The following TDRD5 variants were observed in gnomAD, a reference collection of about 807,000 sequenced individuals.
TDRD5 encodes tudor domain containing 5, also known as tudor domain-containing protein 5.
Under a neutral mutation model 120.6 loss-of-function variants are expected in TDRD5, and 41 were observed. The ratio of observed to expected loss-of-function variants is 0.34; its 90% CI spans 0.26 to 0.44. The LOEUF is 0.44. TDRD5 is among the 20% of genes least tolerant of loss of function. The pLI is 1.00. For missense variants in TDRD5, 1,006 were observed against 1,221.2 expected (o/e 0.82, Z 2.63); for synonymous variants, 430 against 433.7 (o/e 0.99, Z 0.11).
intron 4 of TDRD5, among the ~76,000 whole-genome samples, chr1:179,605,567 G>A (rs1310368764): frequency 6.6e-6 from 1 of 152,102 alleles, no homozygotes; most frequent in Non-Finnish European, 1.5e-5. Flanking sequence ...CACTATTGTA[G>A]TGTCATACTG....
At chr1:179,634,660 G>T (rs1192972115) in intron 8 of TDRD5, 31 bp downstream of exon 8, 1 of 1,566,282 alleles carries the variant, frequency 6.4e-7, no homozygotes, top group South Asian at 1.2e-5. Flanking sequence ...GTGCACTGGA[G>T]ATTCAGCATT....
At position 179,662,293 on chromosome 1, in the gene TDRD5, T is replaced by A; in HGVS notation, c.2505+7T>A. ...TAAAGAAATGCCACAGAAGGTTAGA[T>A]CCTTGGAAAAATAGAAAGCAAATCA... On this transcript the variant is annotated splice_region_variant and intron_variant, in intron 15 of 17. Coordinates refer to ENST00000444136, the MANE Select transcript of TDRD5 (RefSeq NM_001199085.3). The A allele has an allele frequency of 6.3e-7, 1 of 1,599,542 alleles. No individual in the cohort carries two copies. The highest frequency in any genetic ancestry group is 8.5e-7 in the Non-Finnish European group (1 of 1,175,426).
intron 4 of TDRD5, among the ~76,000 whole-genome samples, chr1:179,598,341 G>A (rs940761203): frequency 6.6e-6 from 1 of 152,144 alleles, no homozygotes; most frequent in Admixed American, 6.5e-5. Context: ...GATATTCTAG[G>A]TTTGCATTTG....
In TDRD5 at chr1:179,669,540, T is replaced by C. The variant is rs114260290; in HGVS notation, c.2860+136T>C. Reference sequence around the variant, plus strand: ...TGACGTTAGCATTTGTGTTAAGTCCTTGTTTTATGTTTGGGCTCAATTGTT... The same window carrying C: ...TGACGTTAGCATTTGTGTTAAGTCCCTGTTTTATGTTTGGGCTCAATTGTT... On this transcript the variant is annotated intron_variant, in intron 17 of 17. Coordinates refer to ENST00000444136, the MANE Select transcript of TDRD5 (RefSeq NM_001199085.3). 3,295 of 998,096 alleles carry C rather than the reference T, an allele frequency of 3.3e-3. 44 individuals carry two copies. In the African/African-American group the frequency reaches 0.042, roughly 13 times the overall value. 61.8% of individuals were successfully genotyped at this position (998,096 alleles called of 1,614,324 possible).
At position 179,649,301 on chromosome 1, in the gene TDRD5, A is replaced by G. The variant is rs780430931; in HGVS notation, c.1801-1566A>G. Among the ~76,000 whole-genome samples the G allele has an allele frequency of 2.2e-4, 33 of 151,100 alleles. 1 individual carries two copies. Among genetic ancestry groups the G allele is most frequent in the Non-Finnish European group, 2.5e-4 (17 of 67,808 alleles). On this transcript the variant is annotated intron_variant, in intron 11 of 17. Coordinates refer to ENST00000444136, the MANE Select transcript of TDRD5 (RefSeq NM_001199085.3). ...ACCATTATCTCTTCAATTATTGCCTATTTCCCATATTTATATTTGTATTCT... is the reference window on the plus strand; with the variant it reads ...ACCATTATCTCTTCAATTATTGCCTGTTTCCCATATTTATATTTGTATTCT...
At chr1:179,659,049 G>C (rs2102087616) in intron 14 of TDRD5, among the ~76,000 whole-genome samples, 1 of 152,234 alleles carries the variant, frequency 6.6e-6, no homozygotes, top group African/African-American at 2.4e-5. Flanking sequence ...ATTTCCAAGT[G>C]TTTGGAAATT....
intron 9 of TDRD5, among the ~76,000 whole-genome samples, chr1:179,638,097 G>T (rs1677864966): frequency 6.6e-6 from 1 of 152,162 alleles, no homozygotes; most frequent in African/African-American, 2.4e-5. Context: ...AAGGGGGAGA[G>T]AGTGACTGAT....
intron 17 of TDRD5, among the ~76,000 whole-genome samples, chr1:179,675,526 G>A (rs912056702): frequency 5.9e-5 from 9 of 151,574 alleles, no homozygotes; most frequent in East Asian, 3.9e-4. Context: ...TGATCCGCCC[G>A]CCTCGGCCTC....
At chr1:179,601,078 A>G (rs960265472) in intron 4 of TDRD5, among the ~76,000 whole-genome samples, 4 of 152,174 alleles carry the variant, frequency 2.6e-5, no homozygotes, top group Non-Finnish European at 1.5e-5. Flanking sequence ...GTATTTTGCT[A>G]TATTTGAGTA....
chr1:179,622,672 A>G (rs901307070), intron 6 of TDRD5, among the ~76,000 whole-genome samples: 2 of 152,204 alleles, frequency 1.3e-5, no homozygotes, highest in African/African-American at 4.8e-5. Flanking sequence ...GGCAGAAGAA[A>G]GCTTTAGTAA....
At chr1:179,608,399 A>C (rs191217192) in intron 4 of TDRD5, among the ~76,000 whole-genome samples, 2 of 152,010 alleles carry the variant, frequency 1.3e-5, no homozygotes, top group East Asian at 3.9e-4. Flanking sequence ...GTACAATCAC[A>C]TCTATTTTAG....
At chr1:179,618,547 C>A in intron 4 of TDRD5, 52 bp from the exon 5 acceptor site, 1 of 1,411,624 alleles carries the variant, frequency 7.1e-7, no homozygotes, top group Non-Finnish European at 9.6e-7. Context: ...CTACCTTTGA[C>A]TTTCTTTGGT....
At position 179,687,393 on chromosome 1, in the gene TDRD5, C is replaced by T. The variant is rs542285183; in HGVS notation, c.2861-3303C>T. ...AATCCTGAGTTCTAATTTGATTGCA[C>T]TGTGGTCTGAGGCACAGTTTGTTAT... On this transcript the variant is annotated intron_variant, in intron 17 of 17. Coordinates refer to ENST00000444136, the MANE Select transcript of TDRD5 (RefSeq NM_001199085.3). Among the ~76,000 whole-genome samples the T allele has an allele frequency of 2.3e-4, 35 of 152,336 alleles. 1 individual carries two copies. The highest frequency in any genetic ancestry group is 8.4e-4 in the African/African-American group (35 of 41,566).
intron 7 of TDRD5, among the ~76,000 whole-genome samples, chr1:179,631,663 C>T (rs937204202): frequency 4.7e-4 from 72 of 152,082 alleles, no homozygotes; most frequent in African/African-American, 1.6e-3. Flanking sequence ...AACCTTTCAC[C>T]CAGTTTCTTC....
intron 16 of TDRD5, among the ~76,000 whole-genome samples, chr1:179,668,908 A>C (rs1439326059): frequency 6.6e-6 from 1 of 151,652 alleles, no homozygotes; most frequent in Non-Finnish European, 1.5e-5. Flanking sequence ...ACGCCCAGCT[A>C]ATTTTTTTTG....
intron 9 of TDRD5, among the ~76,000 whole-genome samples, chr1:179,638,011 A>G (rs904849801): frequency 2.6e-5 from 4 of 152,212 alleles, no homozygotes; most frequent in African/African-American, 9.7e-5. Context: ...CAACATTAAC[A>G]AAGGAGTAAG....
At chr1:179,592,439 A>T in intron 1 of TDRD5, 163 bp from the exon 2 acceptor site, 1 of 586,722 alleles carries the variant, frequency 1.7e-6, no homozygotes. Flanking sequence ...CAGGGCTTGA[A>T]TCGCCCGGCC....
chr1:179,654,397 TTAATA>T (rs1489466954), intron 14 of TDRD5, 35 bp downstream of exon 14: 5 of 1,501,172 alleles, frequency 3.3e-6, no homozygotes, highest in Non-Finnish European at 2.7e-6. Context: ...GAATATGTAA[TTAATA>T]TAATACACTG....
intron 7 of TDRD5, among the ~76,000 whole-genome samples, 165 bp downstream of exon 7, chr1:179,631,085 T>A (rs143540657): frequency 1.8e-4 from 27 of 152,320 alleles, no homozygotes; most frequent in African/African-American, 6.3e-4. Context: ...AAAAATAATC[T>A]GAATTTTAAA....
Sources: allele counts gnomAD v4.1 joint callset (sites outside exome capture counted in the v4.1 genomes callset), GRCh38; gene constraint gnomAD v4.1.1; transcripts MANE v1.5; gene names NCBI Gene and HGNC (gene_info 2026-07-23, HGNC 2026-07-21).